The following CALN1 variants were observed in gnomAD, a reference collection of about 807,000 sequenced individuals.
The protein encoded by CALN1 is calcium-binding protein 8.
In CALN1, 17 loss-of-function variants were observed where a neutral mutation model predicts 30.6. That is an observed-to-expected ratio of 0.56 (90% CI 0.38 to 0.83). The LOEUF is 0.83. CALN1 is among the 40% of genes least tolerant of loss of function. The probability of loss-of-function intolerance (pLI) is 0.00; values close to 1 mark genes in which losing one functional copy is unlikely to be tolerated. For synonymous variants in CALN1, 156 were observed against 131.4 expected (o/e 1.19, Z -1.28); for missense variants, 291 against 354.9 (o/e 0.82, Z 1.45).
At chr7:72,491,148 G>T in the CALN1 span, among the ~76,000 whole-genome samples, 1 of 152,044 alleles carries the variant, frequency 6.6e-6, no homozygotes, top group East Asian at 1.9e-4. Flanking sequence ...GGAGGCTGAG[G>T]CAGGAGAATG....
At chr7:72,099,660 A>G (rs1178976772) in intron 4 of CALN1, among the ~76,000 whole-genome samples, 1 of 152,142 alleles carries the variant, frequency 6.6e-6, no homozygotes, top group Non-Finnish European at 1.5e-5. Flanking sequence ...TAGGGACTGT[A>G]TAAATTTTTG....
the CALN1 span, among the ~76,000 whole-genome samples, chr7:72,481,715 T>G: frequency 2.6e-5 from 4 of 152,222 alleles, no homozygotes. Flanking sequence ...CTTTAACCCG[T>G]GGGTTTTTTA....
intron 2 of CALN1, among the ~76,000 whole-genome samples, chr7:72,359,716 C>T (rs1803446585): frequency 6.6e-6 from 1 of 152,042 alleles, no homozygotes; most frequent in African/African-American, 2.4e-5. Context: ...TGGCTCACGC[C>T]TGTAATCTCA....
At chr7:72,214,445 C>T (rs1454637526) in intron 3 of CALN1, among the ~76,000 whole-genome samples, 2 of 151,800 alleles carry the variant, frequency 1.3e-5, no homozygotes, top group Non-Finnish European at 2.9e-5. Flanking sequence ...CTCCACTGCA[C>T]TCCAGCCTGG....
chr7:72,251,635 A>C (rs1187150909), intron 3 of CALN1, among the ~76,000 whole-genome samples: 2 of 152,116 alleles, frequency 1.3e-5, no homozygotes, highest in Non-Finnish European at 2.9e-5. Flanking sequence ...TTCTGGGCTC[A>C]AGTAATCCTC....
chr7:72,059,532 T>G (rs1803502917), intron 4 of CALN1, among the ~76,000 whole-genome samples: 1 of 152,222 alleles, frequency 6.6e-6, no homozygotes, highest in South Asian at 2.1e-4. Context: ...TACCTTGCTC[T>G]GAAATCTTGT....
At chr7:72,485,643 G>C in the CALN1 span, among the ~76,000 whole-genome samples, 1 of 152,066 alleles carries the variant, frequency 6.6e-6, no homozygotes, top group South Asian at 2.1e-4. Flanking sequence ...AGGCCCAGGC[G>C]GCAGACCACC....
Position 71,935,385 on chromosome 7 carries a change from G to T in CALN1, c.501+88272C>A, listed in dbSNP as rs186783482. 5.7e-4 allele frequency among the ~76,000 whole-genome samples: 87 copies of T among 152,290 alleles called. 1 individual carries two copies. Among genetic ancestry groups the T allele is most frequent in the Admixed American group, 2.2e-3 (33 of 15,298 alleles). ...AAAAAATGGGAGGTCTTTCTGCCAG[G>T]AATGAGACTGTCTGCAGAGTGAATT... is the stretch of plus-strand genomic sequence containing the variant. On this transcript the variant is annotated intron_variant, in intron 5 of 6. Coordinates refer to ENST00000395275, the MANE Select transcript of CALN1 (RefSeq NM_031468.4).
At position 72,403,280 on chromosome 7, in the gene CALN1, C is replaced by A. The variant is rs777023030; in HGVS notation, c.90G>T (p.Pro30=). The change falls in exon 2 of 7, where the codon CCG becomes CCT. Residue 30 remains proline (P), a synonymous_variant. Coordinates refer to ENST00000395275, the MANE Select transcript of CALN1 (RefSeq NM_031468.4). ...TGGGGAAGTCGGGGGCCTGGCTCCT[C>A]GGCGGCTCCTCTCCCCCTCCGAGGG... ...GGALGGGEEP[P]RSQAPDFPTW... is the part of the protein sequence containing the mutation. The A allele has an allele frequency of 1.3e-6, 2 of 1,550,318 alleles. No homozygotes were observed. Among genetic ancestry groups the A allele is most frequent in the South Asian group, 1.2e-5 (1 of 84,048 alleles).
chr7:72,395,386 G>C (rs551536969), intron 2 of CALN1, among the ~76,000 whole-genome samples: 9 of 149,914 alleles, frequency 6.0e-5, no homozygotes, highest in Admixed American at 2.0e-4. Flanking sequence ...CATATCCAGG[G>C]TTCCAGGCTC....
intron 5 of CALN1, among the ~76,000 whole-genome samples, chr7:71,872,480 C>A (rs917710242): frequency 1.3e-5 from 2 of 152,106 alleles, no homozygotes; most frequent in Admixed American, 1.3e-4. Flanking sequence ...TAAATTGTGT[C>A]CTCAGAGACG....
intron 1 of CALN1, among the ~76,000 whole-genome samples, chr7:72,411,382 C>A (rs761934540): frequency 1.3e-5 from 2 of 151,928 alleles, no homozygotes; most frequent in Non-Finnish European, 2.9e-5. Flanking sequence ...CATGTAACAT[C>A]ATTAGGAATC....
intron 4 of CALN1, among the ~76,000 whole-genome samples, chr7:72,097,685 G>A (rs914637354): frequency 4.1e-5 from 6 of 147,146 alleles, no homozygotes; most frequent in Non-Finnish European, 8.9e-5. Context: ...TACAGCTTTG[G>A]AGACAATTTT....
chr7:71,815,687 T>TC (rs113789042), intron 5 of CALN1, among the ~76,000 whole-genome samples: 23 of 152,142 alleles, frequency 1.5e-4, no homozygotes, highest in African/African-American at 4.6e-4. Context: ...GACTCTTTTT[T>TC]CCCTCTCTCT....
chr7:72,082,061 A>G lies in CALN1; in HGVS notation c.388+24090T>C, dbSNP rs572326509. On this transcript the variant is annotated intron_variant, in intron 4 of 6. Transcript: ENST00000395275. ...GAGTGCAGTGGTGCAGTCTCGGCTC[A>G]CTGCAACCTCTGCCTCCTGGGTTCA... is the stretch of plus-strand genomic sequence containing the variant. Among the ~76,000 whole-genome samples, 59 of 151,908 alleles carry G rather than the reference A, an allele frequency of 3.9e-4. No homozygotes were observed. The East Asian group carries it at 0.011, about 29-fold the overall frequency.
intron 1 of CALN1, among the ~76,000 whole-genome samples, chr7:72,419,297 C>G (rs1469384787): frequency 6.6e-6 from 1 of 152,020 alleles, no homozygotes; most frequent in Non-Finnish European, 1.5e-5. Flanking sequence ...TTCATCATTC[C>G]CAAAAGGAAC....
chr7:72,089,480 AG>A (rs1459431087), intron 4 of CALN1, among the ~76,000 whole-genome samples: 3 of 152,296 alleles, frequency 2.0e-5, no homozygotes, highest in East Asian at 3.9e-4. Flanking sequence ...TACCAATAAA[AG>A]GGCTCTCAGA....
At chr7:72,228,459 T>C (rs1410404226) in intron 3 of CALN1, among the ~76,000 whole-genome samples, 2 of 151,910 alleles carry the variant, frequency 1.3e-5, no homozygotes, top group African/African-American at 4.8e-5. Context: ...CGTAAGATTA[T>C]GAAAAATCAT....
intron 1 of CALN1, among the ~76,000 whole-genome samples, chr7:72,408,738 G>A (rs374681687): frequency 7.8e-6 from 1 of 128,194 alleles, no homozygotes; most frequent in Non-Finnish European, 1.6e-5. Flanking sequence ...GTGCAGAGGC[G>A]CAATCATAGC....
Sources: gnomAD v4.1 joint callset for allele counts (sites outside exome capture counted in the v4.1 genomes callset) on GRCh38, gnomAD v4.1.1 for gene constraint, MANE v1.5 for transcripts, NCBI Gene and HGNC (gene_info 2026-07-23, HGNC 2026-07-21) for gene names.